Variants in RAB3C observed in about 807,000 individuals in gnomAD.
The protein encoded by RAB3C is RAB3C, member RAS oncogene family.
Under a neutral mutation model 26.4 loss-of-function variants are expected in RAB3C, and 17 were observed. The observed-to-expected ratio is 0.64, with a 90% CI of 0.44 to 0.97. The LOEUF is 0.97. Among genes scored for constraint, RAB3C ranks in the 50% least tolerant of loss-of-function variants. The pLI is 0.00. For missense variants in RAB3C, 242 were observed against 281.9 expected, an observed-to-expected ratio of 0.86 and a Z score of 1.01; for synonymous variants, 91 against 95.9, an observed-to-expected ratio of 0.95 and a Z score of 0.30.
chr5:58,601,666 T>C (rs1746459937), intron 1 of RAB3C, among the ~76,000 whole-genome samples: 2 of 152,264 alleles, frequency 1.3e-5, no homozygotes, highest in African/African-American at 4.8e-5. Context: ...TGATCTTTTG[T>C]ATTTCAGTGG....
At position 58,808,575 on chromosome 5, in the gene RAB3C, T is replaced by C. The variant is rs1289217091; in HGVS notation, c.372-16463T>C. On this transcript the variant is annotated intron_variant, in intron 3 of 4. Coordinates refer to ENST00000282878, the MANE Select transcript of RAB3C (RefSeq NM_138453.4). ...AAATTAAGTGGCCCAAGAATTCTTT[T>C]CAATTTCCAATTTCTTTGACTTATA... is the stretch of plus-strand genomic sequence containing the variant. 3.7e-4 allele frequency among the ~76,000 whole-genome samples: 57 copies of C among 152,228 alleles called. 1 individual carries two copies. Among genetic ancestry groups the C allele is most frequent in the Admixed American group, 3.7e-3 (57 of 15,278 alleles).
intron 1 of RAB3C, among the ~76,000 whole-genome samples, chr5:58,596,800 T>A (rs1390345202): frequency 1.3e-4 from 13 of 100,718 alleles, no homozygotes; most frequent in Non-Finnish European, 1.7e-4. Context: ...ATATATAAAT[T>A]TATAATATAT....
chr5:58,585,773 A>G (rs55946079), intron 1 of RAB3C, among the ~76,000 whole-genome samples: 3,264 of 152,150 alleles, frequency 0.021, 114 homozygotes, highest in African/African-American at 0.074. Flanking sequence ...ATTGAGGGAA[A>G]ATGAGGGATA....
chr5:58,758,827 G>C (rs892722714), intron 3 of RAB3C, among the ~76,000 whole-genome samples: 1 of 152,116 alleles, frequency 6.6e-6, no homozygotes, highest in Non-Finnish European at 1.5e-5. Flanking sequence ...ATGTTTGAGT[G>C]GTGCTTCACT....
chr5:58,734,470 C>G (rs892789535), intron 3 of RAB3C, among the ~76,000 whole-genome samples: 1 of 152,084 alleles, frequency 6.6e-6, no homozygotes, highest in South Asian at 2.1e-4. Context: ...TACACTGGAC[C>G]GCGGGGAGTC....
chr5:58,671,066 A>G (rs72760281), intron 2 of RAB3C, among the ~76,000 whole-genome samples: 5,053 of 152,196 alleles, frequency 0.033, 267 homozygotes, highest in East Asian at 0.25. Flanking sequence ...AGATTGAATT[A>G]CTTACCTCTC....
At chr5:58,716,329 TCAAAAGCG>T (rs1329247424) in intron 2 of RAB3C, among the ~76,000 whole-genome samples, 2 of 151,938 alleles carry the variant, frequency 1.3e-5, no homozygotes, top group Non-Finnish European at 2.9e-5. Flanking sequence ...GAACAAAGGT[TCAAAAGCG>T]AGATGATAAC....
At chr5:58,771,702 T>TA (rs2111988840) in intron 3 of RAB3C, among the ~76,000 whole-genome samples, 1 of 152,222 alleles carries the variant, frequency 6.6e-6, no homozygotes, top group African/African-American at 2.4e-5. Flanking sequence ...AAAGAATGGT[T>TA]ATAGTTACAC....
chr5:58,760,885 G>A (rs1474507202), intron 3 of RAB3C, among the ~76,000 whole-genome samples: 1 of 152,138 alleles, frequency 6.6e-6, no homozygotes, highest in African/African-American at 2.4e-5. Flanking sequence ...AGCACTGTAG[G>A]CAGTGGAGTC....
chr5:58,773,932 C>G (rs1476699622), intron 3 of RAB3C, among the ~76,000 whole-genome samples: 1 of 152,138 alleles, frequency 6.6e-6, no homozygotes, highest in Non-Finnish European at 1.5e-5. Context: ...CAGCTGGGCT[C>G]TCCATGCTGC....
upstream of RAB3C, chr5:58,582,252 C>T: frequency 4.7e-6 from 1 of 214,350 alleles, no homozygotes; most frequent in Non-Finnish European, 8.0e-6. Flanking sequence ...CTGTCTTCTC[C>T]ACATCCCTCC....
chr5:58,602,556 TA>T (rs1746479587), intron 1 of RAB3C, among the ~76,000 whole-genome samples: 1 of 152,188 alleles, frequency 6.6e-6, no homozygotes, highest in African/African-American at 2.4e-5. Flanking sequence ...AGGATTGTGA[TA>T]TTTTCCTGTT....
At chr5:58,710,660 A>G (rs1749039402) in intron 2 of RAB3C, among the ~76,000 whole-genome samples, 1 of 151,806 alleles carries the variant, frequency 6.6e-6, no homozygotes. Context: ...TTTAAAAAAG[A>G]GAAGCTTTTC....
At chr5:58,791,342 C>T (rs1742518409) in intron 3 of RAB3C, among the ~76,000 whole-genome samples, 1 of 152,154 alleles carries the variant, frequency 6.6e-6, no homozygotes, top group Non-Finnish European at 1.5e-5. Flanking sequence ...CCACCTGGGA[C>T]TCACAATGGG....
intron 1 of RAB3C, among the ~76,000 whole-genome samples, chr5:58,599,931 A>G (rs764385444): frequency 6.6e-6 from 1 of 152,100 alleles, no homozygotes; most frequent in Non-Finnish European, 1.5e-5. Flanking sequence ...GCCTAAGCCA[A>G]TGTCTAGAAG....
At chr5:58,829,191 T>C (rs770138078) in intron 4 of RAB3C, among the ~76,000 whole-genome samples, 2 of 152,000 alleles carry the variant, frequency 1.3e-5, no homozygotes, top group East Asian at 1.9e-4. Flanking sequence ...GTGTGAGCCA[T>C]GGCACCCGGC....
At chr5:58,606,911 T>G (rs1290545955) in intron 1 of RAB3C, among the ~76,000 whole-genome samples, 1 of 151,962 alleles carries the variant, frequency 6.6e-6, no homozygotes, top group Non-Finnish European at 1.5e-5. Flanking sequence ...CATCTGTAGG[T>G]CACAAACATC....
Position 58,583,119 on chromosome 5 carries a change from T to A in RAB3C, c.-90T>A. ...GTTAGCGAACCCCAAGAGTGCAGAG[T>A]GTGGAGCGTGGAGCGCCGGGACTGT... On this transcript the variant is annotated 5_prime_UTR_variant, in exon 1 of 5. Transcript: ENST00000282878. 1 of 1,603,106 alleles carries A rather than the reference T, an allele frequency of 6.2e-7. No individual in the cohort carries two copies. Among genetic ancestry groups the A allele is most frequent in the Non-Finnish European group, 8.5e-7 (1 of 1,175,798 alleles).
rs139328560 is a variant in RAB3C at position 58,810,389 on chromosome 5, G to T, written c.372-14649G>T. On this transcript the variant is annotated intron_variant, in intron 3 of 4. Coordinates refer to ENST00000282878, the MANE Select transcript of RAB3C (RefSeq NM_138453.4). ...GCTCTCTCTCTCTCTCTCTCTCTGTGTGTGTGTGTGTGTGTGTGTGTGTGT... is the reference window on the plus strand; with the variant it reads ...GCTCTCTCTCTCTCTCTCTCTCTGTTTGTGTGTGTGTGTGTGTGTGTGTGT... Among the ~76,000 whole-genome samples, 9 of 142,372 alleles carry T rather than the reference G, an allele frequency of 6.3e-5. No homozygotes were observed. In the East Asian group the frequency reaches 2.0e-3, roughly 31 times the overall value. The allele number at this position is 142,372 out of a possible 152,430, so 93.4% of individuals were successfully genotyped here.
Sources: allele counts gnomAD v4.1 joint callset (sites outside exome capture counted in the v4.1 genomes callset), GRCh38; gene constraint gnomAD v4.1.1; transcripts MANE v1.5; gene names NCBI Gene and HGNC (gene_info 2026-07-23, HGNC 2026-07-21).